Variants in RAD51B observed in about 807,000 individuals in gnomAD.
RAD51B encodes the protein RAD51 paralog B, also known as DNA repair protein RAD51 homolog 2.
Under a neutral mutation model 42.2 loss-of-function variants are expected in RAD51B, and 38 were observed. The observed-to-expected ratio is 0.90, with a 90% CI of 0.70 to 1.18. The LOEUF is 1.18. Among genes scored for constraint, RAD51B ranks in the 50% most tolerant of loss-of-function variants. The probability of loss-of-function intolerance (pLI) is 0.00; values close to 1 mark genes in which losing one functional copy is unlikely to be tolerated. For missense variants in RAD51B, 373 were observed against 400.7 expected (o/e 0.93, Z 0.59); for synonymous variants, 154 against 145.2 (o/e 1.06, Z -0.43).
chr14:68,599,898 C>A (rs1348705107), downstream of RAD51B, among the ~76,000 whole-genome samples: 1 of 152,216 alleles, frequency 6.6e-6, no homozygotes, highest in African/African-American at 2.4e-5. Context: ...GCTTCACTTG[C>A]AGGTCCCAGG....
intron 7 of RAD51B, among the ~76,000 whole-genome samples, chr14:68,047,860 C>CT (rs750025100): frequency 7.8e-4 from 119 of 151,648 alleles, no homozygotes; most frequent in African/African-American, 2.8e-3. Context: ...CTTTCTTTTT[C>CT]TTTTTTTTAG....
chr14:68,236,761 G>A (rs2140993261), intron 7 of RAD51B, among the ~76,000 whole-genome samples: 1 of 152,248 alleles, frequency 6.6e-6, no homozygotes, highest in South Asian at 2.1e-4. Flanking sequence ...GTCTATTTGG[G>A]GAGGAGTTGG....
At chr14:68,241,300 C>T (rs1038400607) in intron 7 of RAD51B, among the ~76,000 whole-genome samples, 11 of 152,122 alleles carry the variant, frequency 7.2e-5, no homozygotes, top group Non-Finnish European at 1.5e-4. Flanking sequence ...CCCAGCACTT[C>T]GGGAGGCCTA....
At chr14:68,066,050 A>G (rs2076645003) in intron 7 of RAD51B, among the ~76,000 whole-genome samples, 1 of 152,060 alleles carries the variant, frequency 6.6e-6, no homozygotes, top group South Asian at 2.1e-4. Context: ...CTGCAAATAT[A>G]TTTATTGCAT....
Position 68,654,017 on chromosome 14 carries a change from G to A in RAD51B, c.*11+3161G>A, listed in dbSNP as rs1225684615. Reference sequence around the variant, plus strand: ...GCTTGCACTTGATCCTGAGGTTAGGGAAAGCAAGAAGGTTTGTAAGCTGGG... The same window carrying A: ...GCTTGCACTTGATCCTGAGGTTAGGAAAAGCAAGAAGGTTTGTAAGCTGGG... On this transcript the variant is annotated intron_variant, in intron 11 of 11. Transcript: ENST00000488612. 3.9e-5 allele frequency among the ~76,000 whole-genome samples: 6 copies of A among 152,260 alleles called. 1 individual carries two copies. The South Asian group carries it at 1.2e-3, about 31-fold the overall frequency.
chr14:67,926,033 G>A (rs1055880505), intron 7 of RAD51B, among the ~76,000 whole-genome samples: 3 of 152,212 alleles, frequency 2.0e-5, no homozygotes, highest in Non-Finnish European at 4.4e-5. Context: ...GCCTGCGGTA[G>A]GAGGGGCTCC....
chr14:68,259,301 TG>T (rs1404637069), intron 7 of RAD51B, among the ~76,000 whole-genome samples: 1 of 28,764 alleles, frequency 3.5e-5, no homozygotes, highest in Non-Finnish European at 6.7e-5. Context: ...GGGACTGTTG[TG>T]GGGTAGGGGG....
At chr14:67,852,041 C>T (rs2041826806) in intron 4 of RAD51B, among the ~76,000 whole-genome samples, 1 of 152,086 alleles carries the variant, frequency 6.6e-6, no homozygotes, top group Non-Finnish European at 1.5e-5. Context: ...TACTCTCAGG[C>T]TCTTCACTCC....
At chr14:68,626,245 C>G (rs1476328072) in intron 10 of RAD51B, among the ~76,000 whole-genome samples, 1 of 152,186 alleles carries the variant, frequency 6.6e-6, no homozygotes, top group African/African-American at 2.4e-5. Context: ...GCTCAGAAAG[C>G]AGGGATGGTG....
At chr14:68,022,652 T>C (rs2075886220) in intron 7 of RAD51B, among the ~76,000 whole-genome samples, 1 of 152,076 alleles carries the variant, frequency 6.6e-6, no homozygotes. Context: ...CTTTTTTTTT[T>C]CTTCCAACTC....
At chr14:67,979,472 A>G (rs867197239) in intron 7 of RAD51B, among the ~76,000 whole-genome samples, 43 of 152,230 alleles carry the variant, frequency 2.8e-4, no homozygotes, top group Admixed American at 2.2e-3. Context: ...GATTTTCCTA[A>G]TATTAGTCAT....
intron 7 of RAD51B, among the ~76,000 whole-genome samples, chr14:67,909,906 T>G (rs777546776): frequency 2.6e-5 from 4 of 152,210 alleles, no homozygotes; most frequent in Admixed American, 6.5e-5. Context: ...TCCTCCCATC[T>G]TGGCCTTCCA....
At chr14:68,607,401 T>C (rs1891491005) in intron 10 of RAD51B, among the ~76,000 whole-genome samples, 1 of 152,120 alleles carries the variant, frequency 6.6e-6, no homozygotes, top group Admixed American at 6.5e-5. Context: ...GCCAGCACCT[T>C]CTTTCTCCTT....
At chr14:67,969,328 G>T (rs1342279634) in intron 7 of RAD51B, among the ~76,000 whole-genome samples, 1 of 152,130 alleles carries the variant, frequency 6.6e-6, no homozygotes, top group East Asian at 1.9e-4. Context: ...AACACTTGTT[G>T]GACCCAGTTC....
Position 68,562,344 on chromosome 14 carries a change from A to T in RAD51B, c.1037-32141A>T. ...GGCTGTGTGATCTACAGGGTGAGAC[A>T]GGGAGTTTAAGGTGGGAACCAAAGG... On this transcript the variant is annotated intron_variant, in intron 10 of 10. Coordinates refer to the RAD51B transcript ENST00000487270. 3.0e-6 allele frequency: 3 copies of T among 985,434 alleles called. No homozygotes were observed. The South Asian group carries it at 1.4e-4, about 46-fold the overall frequency. 61.0% of individuals were successfully genotyped at this position (985,434 alleles called of 1,614,324 possible). A position where few individuals can be genotyped will look rare whatever the true frequency, so the allele number is the denominator to read the frequency against.
chr14:68,608,737 C>A lies in RAD51B; in HGVS notation c.1037-2269C>A, dbSNP rs372437221. ...TTAAGTGAGCATGAACAGAGCAGGC[C>A]CCCTTTGCCTCTGGGAGCCTCCTGG... On this transcript the variant is annotated intron_variant, in intron 10 of 10. Transcript: ENST00000487861. Among the ~76,000 whole-genome samples the A allele has an allele frequency of 3.9e-5, 6 of 152,140 alleles. No individual in the cohort carries two copies. The East Asian group carries it at 1.2e-3, about 29-fold the overall frequency.
At chr14:67,992,539 G>T (rs1452295913) in intron 7 of RAD51B, among the ~76,000 whole-genome samples, 1 of 152,136 alleles carries the variant, frequency 6.6e-6, no homozygotes, top group East Asian at 1.9e-4. Context: ...ACTCTTTTTG[G>T]TGGTGTGTTT....
intron 7 of RAD51B, among the ~76,000 whole-genome samples, chr14:68,073,762 A>G (rs2076790863): frequency 6.6e-6 from 1 of 152,146 alleles, no homozygotes; most frequent in East Asian, 1.9e-4. Context: ...TGCTTGCCTG[A>G]AAAGGGTCTT....
chr14:68,418,730 T>C (rs1408889983), intron 9 of RAD51B, among the ~76,000 whole-genome samples: 1 of 152,230 alleles, frequency 6.6e-6, no homozygotes, highest in Admixed American at 6.5e-5. Context: ...GTCAAGGACC[T>C]TGAAATTTAT....
Sources: allele counts gnomAD v4.1 joint callset (sites outside exome capture counted in the v4.1 genomes callset), GRCh38; gene constraint gnomAD v4.1.1; transcripts MANE v1.5; gene names NCBI Gene and HGNC (gene_info 2026-07-23, HGNC 2026-07-21).